Variants in APOO observed in about 807,000 individuals in gnomAD.
The protein encoded by APOO is apolipoprotein O.
Under a neutral mutation model 23.1 loss-of-function variants are expected in APOO, and 11 were observed. That is an observed-to-expected ratio of 0.48 (90% CI 0.30 to 0.79). The LOEUF is 0.79. Among genes scored for constraint, APOO ranks in the 30% least tolerant of loss-of-function variants. The pLI is 0.07. For synonymous variants in APOO, 59 were observed against 54.8 expected (o/e 1.08, Z -0.34); for missense variants, 160 against 142.7 (o/e 1.12, Z -0.62).
chrX:23,880,854 C>G lies in APOO; in HGVS notation c.108G>C (p.Lys36Asn), dbSNP rs898805201. The change falls in exon 2 of 9, where the codon AAG becomes AAC. Residue 36 changes from lysine (K) to asparagine (N), a missense_variant. By Grantham distance (94) the Lys-to-Asn change is moderately conservative. Transcript: ENST00000379226. ...KKDSPPKNSVKVDELSLYSVP... is the reference protein window; with the variant it reads ...KKDSPPKNSVNVDELSLYSVP... Reference sequence around the variant, plus strand: ...ATGAACAACATGTTACCTCATCAACCTTCACGGAATTTTTGGGAGGTGAGT... The same window carrying G: ...ATGAACAACATGTTACCTCATCAACGTTCACGGAATTTTTGGGAGGTGAGT... 7 of 1,178,368 alleles carry G rather than the reference C, an allele frequency of 5.9e-6. No homozygotes were observed. In the African/African-American group the frequency reaches 1.2e-4, roughly 21 times the overall value.
At chrX:23,889,952 C>T (rs766086881) in intron 1 of APOO, among the ~76,000 whole-genome samples, 196 of 110,647 alleles carry the variant, frequency 1.8e-3, no homozygotes, top group Non-Finnish European at 3.3e-3. Flanking sequence ...TCAGCCACCG[C>T]GCCTGGCCCA....
chrX:23,881,317 C>T (rs926857000), intron 1 of APOO, among the ~76,000 whole-genome samples: 26 of 109,131 alleles, frequency 2.4e-4, no homozygotes, highest in South Asian at 1.9e-3. Flanking sequence ...TCAGGTAATT[C>T]GCCCGCCTCG....
Position 23,840,326 on chromosome X carries a change from C to T in APOO, c.*16G>A. Reference sequence around the variant, plus strand: ...CTTGTTTTTTACCTGATTAAGATGGCAGAGCATGGAGTTTTCTACTTAGTT... The same window carrying T: ...CTTGTTTTTTACCTGATTAAGATGGTAGAGCATGGAGTTTTCTACTTAGTT... On this transcript the variant is annotated 3_prime_UTR_variant, in exon 8 of 9. Transcript: ENST00000379226. 8.4e-7 allele frequency: 1 copy of T among 1,184,328 alleles called. No individual in the cohort carries two copies.
intron 5 of APOO, among the ~76,000 whole-genome samples, chrX:23,862,604 G>T (rs1006004043): frequency 3.9e-5 from 4 of 102,456 alleles, no homozygotes; most frequent in Non-Finnish European, 8.0e-5. Context: ...GGTGACACCC[G>T]GTCTCCACAA....
rs781601559 is a variant in APOO at position 23,835,319 on chromosome X, T to A, written c.*30-1707A>T. ...CTGAGGTGATTCACCCGCCTCAGCCTCCCAAAGTGCTGGGATTACAGGTAT... is the reference window on the plus strand; with the variant it reads ...CTGAGGTGATTCACCCGCCTCAGCCACCCAAAGTGCTGGGATTACAGGTAT... On this transcript the variant is annotated intron_variant, in intron 8 of 8. Coordinates refer to ENST00000379226, the MANE Select transcript of APOO (RefSeq NM_024122.5). Among the ~76,000 whole-genome samples the A allele has an allele frequency of 3.6e-5, 4 of 111,447 alleles. No individual in the cohort carries two copies. The East Asian group carries it at 1.1e-3, about 31-fold the overall frequency.
At chrX:23,889,950 C>G (rs755149249) in intron 1 of APOO, among the ~76,000 whole-genome samples, 2 of 110,520 alleles carry the variant, frequency 1.8e-5, no homozygotes, top group Admixed American at 9.8e-5. Context: ...CGTCAGCCAC[C>G]GCGCCTGGCC....
chrX:23,847,555 G>T (rs1428900905), intron 7 of APOO, among the ~76,000 whole-genome samples: 1 of 110,349 alleles, frequency 9.1e-6, no homozygotes, highest in Non-Finnish European at 1.9e-5. Context: ...GAACCCGGGA[G>T]GCAGAGCTAG....
At chrX:23,849,755 G>A (rs1431032659) in intron 7 of APOO, among the ~76,000 whole-genome samples, 5 of 108,261 alleles carry the variant, frequency 4.6e-5, no homozygotes, top group Non-Finnish European at 9.6e-5. Flanking sequence ...AGGCGGGGGC[G>A]GTGGCGTGCG....
Position 23,907,789 on chromosome X carries a change from C to T in APOO, c.-87G>A. 1 of 1,029,666 alleles carries T rather than the reference C, an allele frequency of 9.7e-7. No individual in the cohort carries two copies. The highest frequency in any genetic ancestry group is 1.3e-6 in the Non-Finnish European group (1 of 775,412). 84.9% of individuals were successfully genotyped at this position (1,029,666 alleles called of 1,213,427 possible). ...GGTGACTACGGAGGCCCGGTAGGGC[C>T]TTGATTTCTCCAACCGCAAGCAGGC... is the stretch of plus-strand genomic sequence containing the variant. On this transcript the variant is annotated 5_prime_UTR_variant, in exon 1 of 9. Transcript: ENST00000379226.
intron 1 of APOO, among the ~76,000 whole-genome samples, chrX:23,882,757 C>T (rs1445875651): frequency 2.7e-5 from 3 of 110,273 alleles, no homozygotes; most frequent in Non-Finnish European, 5.7e-5. Flanking sequence ...AAGCACTCCT[C>T]CTGTCTTGTC....
At position 23,886,064 on chromosome X, in the gene APOO, T is replaced by A. The variant is rs1436184358; in HGVS notation, c.10-5112A>T. ...GTGCACTGCAGGAAGTTTGGCAGCATCCCTAGCCTCTACCCACTAGATGCC... is the reference window on the plus strand; with the variant it reads ...GTGCACTGCAGGAAGTTTGGCAGCAACCCTAGCCTCTACCCACTAGATGCC... On this transcript the variant is annotated intron_variant, in intron 1 of 8. Coordinates refer to ENST00000379226, the MANE Select transcript of APOO (RefSeq NM_024122.5). 2.7e-5 allele frequency among the ~76,000 whole-genome samples: 3 copies of A among 111,295 alleles called. No individual in the cohort carries two copies. The East Asian group carries it at 8.4e-4, about 31-fold the overall frequency.
intron 3 of APOO, among the ~76,000 whole-genome samples, chrX:23,876,257 C>T (rs1173179896): frequency 9.3e-6 from 1 of 107,381 alleles, no homozygotes; most frequent in African/African-American, 3.4e-5. Flanking sequence ...AGCGAGACTC[C>T]GTCTCAAAAA....
At chrX:23,896,515 G>A (rs1020758629) in intron 1 of APOO, among the ~76,000 whole-genome samples, 16 of 111,695 alleles carry the variant, frequency 1.4e-4, no homozygotes, top group African/African-American at 5.2e-4. Flanking sequence ...TATAATGACA[G>A]TATAATTAAA....
At chrX:23,890,503 A>G (rs1160888226) in intron 1 of APOO, among the ~76,000 whole-genome samples, 2 of 112,390 alleles carry the variant, frequency 1.8e-5, no homozygotes, top group African/African-American at 6.5e-5. Context: ...TCCTATATGT[A>G]TGTTATACAA....
chrX:23,871,232 A>G (rs1429708525), intron 4 of APOO, among the ~76,000 whole-genome samples: 3 of 100,204 alleles, frequency 3.0e-5, no homozygotes, highest in East Asian at 3.2e-4. Context: ...GTGTGGTGGC[A>G]GGCGCCTGTA....
At chrX:23,901,067 G>A (rs1292701062) in intron 1 of APOO, among the ~76,000 whole-genome samples, 3 of 111,983 alleles carry the variant, frequency 2.7e-5, no homozygotes, top group Admixed American at 9.5e-5. Flanking sequence ...AATTCTCCGC[G>A]CAGTTCTAGT....
At chrX:23,888,449 C>T (rs773692755) in intron 1 of APOO, among the ~76,000 whole-genome samples, 9 of 112,066 alleles carry the variant, frequency 8.0e-5, no homozygotes, top group Non-Finnish European at 7.5e-5. Context: ...TGGTACTAAA[C>T]AGATAAAACA....
At chrX:23,878,171 G>A (rs771197884) in intron 3 of APOO, among the ~76,000 whole-genome samples, 1 of 111,857 alleles carries the variant, frequency 8.9e-6, no homozygotes, top group East Asian at 2.8e-4. Context: ...TGTATAGTGG[G>A]GGGAGAAAAA....
intron 7 of APOO, among the ~76,000 whole-genome samples, chrX:23,846,483 G>A (rs752431493): frequency 1.1e-4 from 12 of 108,416 alleles, no homozygotes; most frequent in African/African-American, 4.0e-4. Flanking sequence ...TTAGCCAGGC[G>A]TGGTGGCGCA....
Sources: gnomAD v4.1 joint callset for allele counts (sites outside exome capture counted in the v4.1 genomes callset) on GRCh38, gnomAD v4.1.1 for gene constraint, MANE v1.5 for transcripts, NCBI Gene and HGNC (gene_info 2026-07-23, HGNC 2026-07-21) for gene names.